The following ARMC9 variants were observed in gnomAD, a reference collection of about 807,000 sequenced individuals.
ARMC9 encodes lisH domain-containing protein ARMC9.
ARMC9 carries 94 observed loss-of-function variants against 107.0 expected under a neutral mutation model. That is an observed-to-expected ratio of 0.88 (90% CI 0.74 to 1.04). The LOEUF (loss-of-function observed/expected upper bound fraction) is 1.04, where lower values mean the gene tolerates loss of function less well. Ranked by LOEUF, ARMC9 falls within the 50% of genes least tolerant of loss-of-function variation. ARMC9 has a pLI of 0.00. For missense variants in ARMC9, 942 were observed against 1,030.1 expected (o/e 0.91, Z 1.17); for synonymous variants, 380 against 396.9 (o/e 0.96, Z 0.51).
In ARMC9 at chr2:231,262,516, G is replaced by C; in HGVS notation, c.1119+118G>C. 2.0e-6 allele frequency: 2 copies of C among 996,600 alleles called. 1 individual carries two copies. The highest frequency in any genetic ancestry group is 2.8e-5 in the South Asian group (2 of 70,606). The allele number at this position is 996,600 out of a possible 1,614,324, so 61.7% of individuals were successfully genotyped here. The stretch of plus-strand genomic sequence containing the variant: ...TTTTCAGCTTCGTAACTGTATGTCA[G>C]CCTTGAGCTCATGAGGTTCTGGGCA... On this transcript the variant is annotated intron_variant, in intron 12 of 24. Coordinates refer to ENST00000611582, the MANE Select transcript of ARMC9 (RefSeq NM_001352754.2).
chr2:231,316,608 T>C (rs1218577086), intron 19 of ARMC9, among the ~76,000 whole-genome samples: 1 of 148,182 alleles, frequency 6.7e-6, no homozygotes, highest in East Asian at 2.0e-4. Context: ...GAGGTTGCAA[T>C]GAGCCGAGAT....
intron 6 of ARMC9, among the ~76,000 whole-genome samples, chr2:231,224,186 C>T (rs182298828): frequency 1.5e-4 from 23 of 152,360 alleles, no homozygotes; most frequent in African/African-American, 5.3e-4. Flanking sequence ...GTGGCTCACG[C>T]CTGTAATCCC....
chr2:231,331,418 T>C (rs2043725617), intron 19 of ARMC9, among the ~76,000 whole-genome samples: 1 of 151,464 alleles, frequency 6.6e-6, no homozygotes, highest in African/African-American at 2.4e-5. Context: ...TAGAGTTCCC[T>C]ATCCCCCATA....
rs111649531 is a variant in ARMC9 at position 231,256,407 on chromosome 2, T to C, written c.880-179T>C. 3 of 1,187,170 alleles carry C rather than the reference T, an allele frequency of 2.5e-6. No homozygotes were observed. The African/African-American group carries it at 4.6e-5, about 18-fold the overall frequency. The allele number at this position is 1,187,170 out of a possible 1,614,324, so 73.5% of individuals were successfully genotyped here. A position where few individuals can be genotyped will look rare whatever the true frequency, so the allele number is the denominator to read the frequency against. On this transcript the variant is annotated intron_variant, in intron 9 of 24. Coordinates refer to ENST00000611582, the MANE Select transcript of ARMC9 (RefSeq NM_001352754.2). ...CTTTTTTTTTGTCCGCCACACGGAA[T>C]TGAGATGCTCCTTTAAATAAAGCGT... is the stretch of plus-strand genomic sequence containing the variant.
intron 1 of ARMC9, among the ~76,000 whole-genome samples, chr2:231,205,615 C>G (rs1010956857): frequency 3.3e-5 from 5 of 152,182 alleles, no homozygotes; most frequent in African/African-American, 1.2e-4. Context: ...GGAAGAGTTT[C>G]TTTTGACTTT....
chr2:231,216,970 G>C (rs917965049), intron 5 of ARMC9, among the ~76,000 whole-genome samples, 177 bp downstream of exon 5: 22 of 152,224 alleles, frequency 1.4e-4, no homozygotes, highest in Middle Eastern at 6.8e-3. Context: ...GGTTAGTTAG[G>C]TTTGGTTTTT....
intron 7 of ARMC9, 106 bp downstream of exon 7, chr2:231,226,904 G>C: frequency 1.5e-6 from 2 of 1,341,824 alleles, no homozygotes. Context: ...TTGGCTTTAA[G>C]AGTCTAAATA....
In ARMC9 at chr2:231,338,056, T is replaced by A. The variant is rs550268223; in HGVS notation, c.1878+6159T>A. Among the ~76,000 whole-genome samples, 4 of 152,272 alleles carry A rather than the reference T, an allele frequency of 2.6e-5. No individual in the cohort carries two copies. The East Asian group carries it at 7.7e-4, about 29-fold the overall frequency. ...TGTCAGAGCCCAGGCTCTTTTCATC[T>A]CTTAGCGTGGCCCTGCCTGCCAGAA... On this transcript the variant is annotated intron_variant, in intron 20 of 24. Transcript: ENST00000611582.
At chr2:231,330,707 T>A (rs1465154463) in intron 19 of ARMC9, among the ~76,000 whole-genome samples, 1 of 152,142 alleles carries the variant, frequency 6.6e-6, no homozygotes, top group African/African-American at 2.4e-5. Context: ...CTGGCGCAGG[T>A]GGGAGTGGAG....
At position 231,342,561 on chromosome 2, in the gene ARMC9, G is replaced by C. The variant is rs2044580335; in HGVS notation, c.1879-2414G>C. On this transcript the variant is annotated intron_variant, in intron 20 of 24. Transcript: ENST00000611582. ...TAGTGTTTCTCTGTGGGAGGGCTCA[G>C]GGGTCCTCTGGCATGAGGGACAGGA... 8.5e-5 allele frequency among the ~76,000 whole-genome samples: 13 copies of C among 152,060 alleles called. No individual in the cohort carries two copies. The South Asian group carries it at 2.7e-3, about 32-fold the overall frequency.
At position 231,362,260 on chromosome 2, in the gene ARMC9, C is replaced by A. The variant is rs765821231; in HGVS notation, c.2261+1377C>A. On this transcript the variant is annotated intron_variant, in intron 23 of 24. Coordinates refer to ENST00000611582, the MANE Select transcript of ARMC9 (RefSeq NM_001352754.2). The surrounding 1 kb of genome is among the most constrained non-coding windows in gnomAD (Gnocchi z 4.7). ...TCAGCATCCCCCTGAAATGGGGACTCAAAATGAGAGACCTCTGAGGAGTGG... is the reference window on the plus strand; with the variant it reads ...TCAGCATCCCCCTGAAATGGGGACTAAAAATGAGAGACCTCTGAGGAGTGG... Among the ~76,000 whole-genome samples the A allele has an allele frequency of 6.6e-6, 1 of 152,166 alleles. No individual in the cohort carries two copies. The highest frequency in any genetic ancestry group is 1.5e-5 in the Non-Finnish European group (1 of 68,020).
chr2:231,365,773 C>A (rs985667877), intron 23 of ARMC9, among the ~76,000 whole-genome samples: 1 of 152,176 alleles, frequency 6.6e-6, no homozygotes, highest in Non-Finnish European at 1.5e-5. Flanking sequence ...TCAAGCTCCT[C>A]GGCCTCCTGG....
At chr2:231,324,123 C>CTTTTTTTTTTTTTTTTTTTTTTT (rs71296842) in intron 19 of ARMC9, among the ~76,000 whole-genome samples, 1 of 89,270 alleles carries the variant, frequency 1.1e-5, no homozygotes, top group African/African-American at 4.6e-5. Context: ...TTGTAAAGTA[C>CTTTTTTTTTTTTTTTTTTTTTTT]TTTTTTTTTT....
At chr2:231,285,343 T>G (rs1391551540) in intron 17 of ARMC9, among the ~76,000 whole-genome samples, 3 of 152,120 alleles carry the variant, frequency 2.0e-5, no homozygotes, top group Admixed American at 2.0e-4. Context: ...GTGGATTACT[T>G]ACATAAAGAT....
At chr2:231,284,257 C>T (rs761244239) in intron 17 of ARMC9, among the ~76,000 whole-genome samples, 1 of 152,174 alleles carries the variant, frequency 6.6e-6, no homozygotes, top group South Asian at 2.1e-4. Context: ...GCCATATAGC[C>T]TAGGTGTGTA....
chr2:231,226,845 C>T (rs1203065661), intron 7 of ARMC9, 47 bp downstream of exon 7: 1 of 1,589,078 alleles, frequency 6.3e-7, no homozygotes, highest in East Asian at 2.2e-5. Context: ...TTTGCCAGTT[C>T]AGGTTTGAAG....
chr2:231,271,397 C>G (rs567600457), intron 13 of ARMC9, among the ~76,000 whole-genome samples: 4 of 152,198 alleles, frequency 2.6e-5, no homozygotes, highest in Admixed American at 6.5e-5. Flanking sequence ...TAATTTTCTA[C>G]TTAAGGCAAA....
intron 4 of ARMC9, among the ~76,000 whole-genome samples, chr2:231,215,969 A>G (rs1481020537): frequency 6.6e-6 from 1 of 152,182 alleles, no homozygotes; most frequent in African/African-American, 2.4e-5. Flanking sequence ...GGCTTAGTCT[A>G]TGTACGAGAC....
chr2:231,304,368 T>G (rs1186780575), intron 19 of ARMC9, among the ~76,000 whole-genome samples: 2 of 152,250 alleles, frequency 1.3e-5, no homozygotes, highest in Non-Finnish European at 2.9e-5. Context: ...TTGGAAAATA[T>G]TGGCTTACCA....
Sources: allele counts gnomAD v4.1 joint callset (sites outside exome capture counted in the v4.1 genomes callset), GRCh38; gene constraint gnomAD v4.1.1; non-coding constraint Gnocchi (gnomAD v3.1); transcripts MANE v1.5; gene names NCBI Gene and HGNC (gene_info 2026-07-23, HGNC 2026-07-21).